CLEC4E: variants seen among roughly 807,000 people sequenced by gnomAD.
CLEC4E encodes the protein C-type lectin domain family 4 member E.
Under a neutral mutation model 24.7 loss-of-function variants are expected in CLEC4E, and 21 were observed. The ratio of observed to expected loss-of-function variants is 0.85; its 90% CI spans 0.60 to 1.22. The LOEUF is 1.22. Ranked by LOEUF, CLEC4E falls within the 50% of genes most tolerant of loss-of-function variation. CLEC4E has a pLI of 0.00. For missense variants in CLEC4E, 249 were observed against 254.1 expected (o/e 0.98, Z 0.14); for synonymous variants, 94 against 85.7 (o/e 1.10, Z -0.54).
rs1489116073 is a variant in CLEC4E, at chr12:8,534,132, G to A, written c.*506C>T. On this transcript the variant is annotated 3_prime_UTR_variant, in exon 6 of 6. Coordinates refer to ENST00000299663, the MANE Select transcript of CLEC4E (RefSeq NM_014358.4). ...ACACCGGTATTCTGAGCAGGAATAA[G>A]TTTCATGACTTGAAGAAGCTTCTTA... The A allele has an allele frequency of 2.8e-4, 42 of 152,488 alleles. No individual in the cohort carries two copies. The highest frequency in any genetic ancestry group is 2.7e-3 in the Admixed American group (42 of 15,296). 9.4% of individuals were successfully genotyped at this position (152,488 alleles called of 1,614,324 possible).
downstream of CLEC4E, chr12:8,533,288 C>G (rs1226200470): frequency 3.9e-5 from 6 of 152,190 alleles, no homozygotes; most frequent in Non-Finnish European, 8.8e-5. Flanking sequence ...TTGATGTACT[C>G]TTTAATAACG....
chr12:8,537,182 G>T lies in CLEC4E; in HGVS notation c.305C>A (p.Ala102Glu), dbSNP rs201571010. Reference protein sequence around the residue: ...YFFSTDTISWALSLKNCSAMG... With the variant: ...YFFSTDTISWELSLKNCSAMG... ...GGCTGAGCAGTTCTTTAAACTTAAC[G>T]CCCAGGAAATGGTGTCAGTAGAAAA... The change falls in exon 4 of 6, where the codon GCG becomes GAG. Residue 102 changes from alanine (A) to glutamate (E), a missense_variant. Physicochemically the swap from Ala to Glu is moderately radical, Grantham distance 107. Coordinates refer to ENST00000299663, the MANE Select transcript of CLEC4E (RefSeq NM_014358.4). The T allele has an allele frequency of 1.1e-5, 18 of 1,613,994 alleles. No homozygotes were observed. The African/African-American group carries it at 2.0e-4, about 18-fold the overall frequency.
At chr12:8,535,928 A>G (rs566022987) in intron 5 of CLEC4E, among the ~76,000 whole-genome samples, 162 bp downstream of exon 5, 3 of 152,212 alleles carry the variant, frequency 2.0e-5, no homozygotes, top group African/African-American at 4.8e-5. Flanking sequence ...TCTTGAGACA[A>G]TTCCAGGAAA....
At chr12:8,537,342 G>A in intron 3 of CLEC4E, 76 bp from the exon 4 acceptor site, 1 of 1,412,030 alleles carries the variant, frequency 7.1e-7, no homozygotes, top group Non-Finnish European at 9.7e-7. Context: ...TGGCCCCATG[G>A]AGTCCTCATT....
chr12:8,540,716 C>T (rs775157139), intron 1 of CLEC4E, 45 bp downstream of exon 1: 15 of 1,548,168 alleles, frequency 9.7e-6, no homozygotes. Context: ...ATCACTTGTT[C>T]CAAAAAGAGA....
At chr12:8,537,045 G>A (rs1940624867) in intron 4 of CLEC4E, 70 bp downstream of exon 4, 2 of 1,458,210 alleles carry the variant, frequency 1.4e-6, no homozygotes, top group Non-Finnish European at 1.9e-6. Context: ...GTCAAGCACT[G>A]TGCATATGTA....
Position 8,539,285 on chromosome 12 carries a change from G to T in CLEC4E, c.152C>A (p.Thr51Asn), listed in dbSNP as rs749727636. 1.3e-5 allele frequency: 21 copies of T among 1,610,896 alleles called. No individual in the cohort carries two copies. The highest frequency in any genetic ancestry group is 4.0e-5 in the African/African-American group (3 of 74,756). ...TAGCTGAAACTTTTTCTCATCACAGGTTTGAAAGATGCGAAATGTCACTGT... is the reference window on the plus strand; with the variant it reads ...TAGCTGAAACTTTTTCTCATCACAGTTTTGAAAGATGCGAAATGTCACTGT... ...RCVVTFRIFQTCDEKKFQLPE... is the reference protein window; with the variant it reads ...RCVVTFRIFQNCDEKKFQLPE... Residue 51 changes from threonine to asparagine, a missense_variant, in exon 3 of 6, where the codon ACC becomes AAC. By Grantham distance (65) the Thr-to-Asn change is moderately conservative. Coordinates refer to ENST00000299663, the MANE Select transcript of CLEC4E (RefSeq NM_014358.4).
intron 1 of CLEC4E, among the ~76,000 whole-genome samples, chr12:8,540,463 T>TCTTC (rs923340594): frequency 2.0e-5 from 3 of 152,032 alleles, no homozygotes; most frequent in African/African-American, 7.3e-5. Context: ...ATAGTTCCTC[T>TCTTC]CTTCCTCCCA....
chr12:8,533,611 A>G lies in CLEC4E; in HGVS notation c.*1027T>C, dbSNP rs754041621. On this transcript the variant is annotated 3_prime_UTR_variant, in exon 6 of 6. Transcript: ENST00000299663. ...ATGGGAACAGAAAACCAAATACTGCATGTCCTCACTTATAAGTGGGAGCTA... is the reference window on the plus strand; with the variant it reads ...ATGGGAACAGAAAACCAAATACTGCGTGTCCTCACTTATAAGTGGGAGCTA... 6.6e-6 allele frequency: 1 copy of G among 152,232 alleles called. No homozygotes were observed. Among genetic ancestry groups the G allele is most frequent in the South Asian group, 2.1e-4 (1 of 4,832 alleles). The allele number at this position is 152,232 out of a possible 1,614,324, so 9.4% of individuals were successfully genotyped here.
Position 8,539,300 on chromosome 12 carries a change from A to T in CLEC4E, c.137T>A (p.Phe46Tyr), listed in dbSNP as rs111886584. 372 of 1,606,488 alleles carry T rather than the reference A, an allele frequency of 2.3e-4. No homozygotes were observed. In the African/African-American group the frequency reaches 4.3e-3, roughly 19 times the overall value. The change falls in exon 3 of 6, where the codon TTT (phenylalanine) becomes TAT (tyrosine). Residue 46 changes from phenylalanine (F) to tyrosine (Y), a missense_variant. Transcript: ENST00000299663. ...CTCATCACAGGTTTGAAAGATGCGA[A>T]ATGTCACTGTAAAAGAAAGGGCATA... ...ACFITRCVVT[F>Y]RIFQTCDEKK...
In CLEC4E at chr12:8,540,789, T is replaced by G. The variant is rs1213841869; in HGVS notation, c.9A>C (p.Ser3=). The part of the protein sequence containing the change: MN[S]SKSSETQCTE... ...TGCATTGTGTTTCAGATGATTTAGA[T>G]GAATTCATTTTTTCTCTCTCTTTGG... Residue 3 remains serine, a synonymous_variant, in exon 1 of 6, where the codon TCA becomes TCC. Transcript: ENST00000299663. 1 of 1,608,470 alleles carries G rather than the reference T, an allele frequency of 6.2e-7. No individual in the cohort carries two copies. The highest frequency in any genetic ancestry group is 1.7e-5 in the Admixed American group (1 of 59,916).
rs756454054 is a variant in CLEC4E, at chr12:8,534,720, T to C, written c.578A>G (p.Asn193Ser). The C allele has an allele frequency of 1.1e-5, 18 of 1,614,062 alleles. No individual in the cohort carries two copies. The highest frequency in any genetic ancestry group is 1.5e-5 in the Non-Finnish European group (18 of 1,179,938). Reference protein sequence around the residue: ...RDSSNPRQNWNDVTCFLNYFR... With the variant: ...RDSSNPRQNWSDVTCFLNYFR... ...ATAATTGAGGAAACAGGTTACATCA[T>C]TCCAATTTTGCCTTGGGTTTGAAGA... The change falls in exon 6 of 6, where the codon AAT becomes AGT. Residue 193 changes from asparagine to serine, a missense_variant. Asn to Ser is a conservative substitution (Grantham distance 46). Transcript: ENST00000299663.
intron 5 of CLEC4E, among the ~76,000 whole-genome samples, chr12:8,535,322 T>G (rs1426210825): frequency 6.6e-6 from 1 of 152,190 alleles, no homozygotes; most frequent in East Asian, 1.9e-4. Context: ...TGAGTTTTAG[T>G]TTCCTCAAAT....
Position 8,533,726 on chromosome 12 carries a change from A to G in CLEC4E, c.*912T>C, listed in dbSNP as rs753034864. ...AGGTAGGAGGAGGGAGAGGAGCCGAAAAAAACAATATTAGGCACTGGGCTT... is the reference window on the plus strand; with the variant it reads ...AGGTAGGAGGAGGGAGAGGAGCCGAGAAAAACAATATTAGGCACTGGGCTT... On this transcript the variant is annotated 3_prime_UTR_variant, in exon 6 of 6. Transcript: ENST00000299663. 1 of 152,348 alleles carries G rather than the reference A, an allele frequency of 6.6e-6. No homozygotes were observed. The highest frequency in any genetic ancestry group is 2.4e-5 in the African/African-American group (1 of 41,562). 9.4% of individuals were successfully genotyped at this position (152,348 alleles called of 1,614,324 possible). A position where few individuals can be genotyped will look rare whatever the true frequency, so the allele number is the denominator to read the frequency against.
At chr12:8,538,094 C>T (rs938405084) in intron 3 of CLEC4E, among the ~76,000 whole-genome samples, 2 of 152,224 alleles carry the variant, frequency 1.3e-5, no homozygotes, top group African/African-American at 2.4e-5. Context: ...GGAAAACACC[C>T]GCTACTTAGC....
Position 8,540,746 on chromosome 12 carries a change from A to T in CLEC4E, c.37+15T>A. 6.2e-7 allele frequency: 1 copy of T among 1,604,184 alleles called. No homozygotes were observed. Among genetic ancestry groups the T allele is most frequent in the Non-Finnish European group, 8.5e-7 (1 of 1,171,352 alleles). ...AAGAGATCTATGGAAGGAAAGGAAG[A>T]GTTGCAGATTTTACCTGTGCATTGT... On this transcript the variant is annotated intron_variant, in intron 1 of 5. Transcript: ENST00000299663.
At chr12:8,536,067 C>T in intron 5 of CLEC4E, 23 bp downstream of exon 5, 4 of 1,447,538 alleles carry the variant, frequency 2.8e-6, no homozygotes, top group Non-Finnish European at 3.9e-6. Flanking sequence ...TTCAAGAACT[C>T]CTCTCAATAG....
intron 4 of CLEC4E, among the ~76,000 whole-genome samples, chr12:8,536,855 T>C (rs1940621976): frequency 6.6e-6 from 1 of 152,180 alleles, no homozygotes; most frequent in South Asian, 2.1e-4. Context: ...TAACGATTCG[T>C]CTAAAATTAA....
Position 8,539,932 on chromosome 12 carries a change from G to T in CLEC4E, c.53C>A (p.Ser18Tyr). The change falls in exon 2 of 6, where the codon TCT becomes TAT. Residue 18 changes from serine (S) to tyrosine (Y), a missense_variant. By Grantham distance (144) the Ser-to-Tyr change is moderately radical. Transcript: ENST00000299663. The part of the protein sequence containing the change: ...ETQCTERGCF[S>Y]SQMFLWTVAG... ...AACAGTCCATAAGAACATTTGGGAA[G>T]AGAAGCATCCTCTCTCTGTAGAAAG... The T allele has an allele frequency of 6.2e-7, 1 of 1,605,492 alleles. No homozygotes were observed. Among genetic ancestry groups the T allele is most frequent in the Non-Finnish European group, 8.5e-7 (1 of 1,172,162 alleles).
Sources: allele counts gnomAD v4.1 joint callset (sites outside exome capture counted in the v4.1 genomes callset), GRCh38; gene constraint gnomAD v4.1.1; transcripts MANE v1.5; gene names NCBI Gene and HGNC (gene_info 2026-07-23, HGNC 2026-07-21).